The following PLXNA4 variants were observed in gnomAD, a reference collection of about 807,000 sequenced individuals.
PLXNA4 encodes the protein plexin A4, also known as plexin-A4.
In PLXNA4, 44 loss-of-function variants were observed where a neutral mutation model predicts 191.8. The ratio of observed to expected loss-of-function variants is 0.23; its 90% CI spans 0.18 to 0.29. PLXNA4 has a LOEUF of 0.29. PLXNA4 is among the 10% of genes least tolerant of loss of function. PLXNA4 has a pLI of 1.00. For synonymous variants in PLXNA4, 1,082 were observed against 1,009.5 expected (o/e 1.07, Z -1.36); for missense variants, 1,800 against 2,488.8 (o/e 0.72, Z 5.89).
Position 132,354,979 on chromosome 7 carries a change from C to T in PLXNA4, c.1372-56757G>A, listed in dbSNP as rs1264378880. Among the ~76,000 whole-genome samples the T allele has an allele frequency of 2.0e-5, 3 of 152,340 alleles. No homozygotes were observed. The East Asian group carries it at 5.8e-4, about 29-fold the overall frequency. On this transcript the variant is annotated intron_variant, in intron 3 of 31. Transcript: ENST00000321063. ...AGGGGTGTTCAGGATCCAAGTACTC[C>T]TTCCTTAGGTGAAACTCTCCACGAT...
intron 1 of PLXNA4, among the ~76,000 whole-genome samples, chr7:132,523,051 C>T (rs1376044579): frequency 2.0e-5 from 3 of 152,034 alleles, no homozygotes; most frequent in East Asian, 3.9e-4. Context: ...GAAGATGGCC[C>T]ATGTCTTCAT....
At chr7:132,148,411 C>T in intron 26 of PLXNA4, 132 bp downstream of exon 26, 1 of 1,339,032 alleles carries the variant, frequency 7.5e-7, no homozygotes, top group Non-Finnish European at 1.0e-6. Context: ...ACACCAATTT[C>T]CTCTGGATCA....
At chr7:132,263,500 AC>A (rs1562999237) in intron 4 of PLXNA4, among the ~76,000 whole-genome samples, 1 of 152,132 alleles carries the variant, frequency 6.6e-6, no homozygotes, top group Non-Finnish European at 1.5e-5. Flanking sequence ...GGGGTAAGAA[AC>A]CCTACCTGGG....
chr7:132,130,167 C>G lies in PLXNA4; in HGVS notation c.*312G>C. The stretch of plus-strand genomic sequence containing the variant: ...ATTTGCACCCTGCTGCTGACATGCA[C>G]AGGGTCAGGAGCACCTGGGAGACAG... On this transcript the variant is annotated 3_prime_UTR_variant, in exon 32 of 32. Transcript: ENST00000321063. 9.3e-6 allele frequency: 3 copies of G among 323,946 alleles called. No individual in the cohort carries two copies. The highest frequency in any genetic ancestry group is 8.7e-5 in the South Asian group (2 of 22,992). The allele number at this position is 323,946 out of a possible 1,614,324, so 20.1% of individuals were successfully genotyped here.
intron 1 of PLXNA4, among the ~76,000 whole-genome samples, chr7:132,561,576 T>TCCTCCTTCTCCTCCTCCTCCTTTCC (rs1563172817): frequency 5.1e-4 from 47 of 91,566 alleles, no homozygotes; most frequent in African/African-American, 1.9e-3. Flanking sequence ...TCCTTTCCCC[T>TCCTCCTTCTCCTCCTCCTCCTTTCC]CCTCCTCTTC....
chr7:132,561,739 C>CCTT (rs1801108363), intron 1 of PLXNA4, among the ~76,000 whole-genome samples: 1 of 140,124 alleles, frequency 7.1e-6, no homozygotes, highest in Non-Finnish European at 1.5e-5. Flanking sequence ...TCCTCCTCCT[C>CCTT]CTCCTTCTTC....
At chr7:132,226,354 TC>T in intron 7 of PLXNA4, 94 bp from the exon 8 acceptor site, 1 of 1,094,114 alleles carries the variant, frequency 9.1e-7, no homozygotes, top group Non-Finnish European at 1.3e-6. Flanking sequence ...GGGAGCCTGC[TC>T]CCCAGGCGGC....
intron 22 of PLXNA4, 47 bp from the exon 23 acceptor site, chr7:132,165,247 A>C (rs1230432913): frequency 6.3e-7 from 1 of 1,597,072 alleles, no homozygotes; most frequent in African/African-American, 1.3e-5. Context: ...CAAAGAAAGA[A>C]GCAGCTGGTC....
intron 4 of PLXNA4, among the ~76,000 whole-genome samples, chr7:132,257,810 G>A (rs10271349): frequency 0.73 from 111,230 of 152,178 alleles, 41,973 homozygotes; most frequent in African/African-American, 0.93. Context: ...TTTCCGAGGC[G>A]TCTTTCCAGC....
chr7:132,522,296 C>T (rs1359301835), intron 1 of PLXNA4, among the ~76,000 whole-genome samples: 1 of 152,210 alleles, frequency 6.6e-6, no homozygotes, highest in Non-Finnish European at 1.5e-5. Context: ...TCTCTAAGCT[C>T]CTTCATAGGC....
chr7:132,530,919 A>G (rs1435569545), intron 1 of PLXNA4, among the ~76,000 whole-genome samples: 2 of 152,262 alleles, frequency 1.3e-5, no homozygotes, highest in Admixed American at 6.5e-5. Flanking sequence ...TGAAGTTTTG[A>G]TATGTCTAAA....
chr7:132,423,819 T>C (rs577541319), intron 3 of PLXNA4, among the ~76,000 whole-genome samples: 2 of 152,120 alleles, frequency 1.3e-5, no homozygotes, highest in Non-Finnish European at 2.9e-5. Context: ...TTTTGTGTCT[T>C]CGTAATTGCG....
intron 3 of PLXNA4, among the ~76,000 whole-genome samples, chr7:132,343,491 C>T (rs1206985633): frequency 1.3e-5 from 2 of 152,192 alleles, no homozygotes; most frequent in Non-Finnish European, 2.9e-5. Flanking sequence ...ATCAGTGTTG[C>T]ACTGTTCTTT....
rs372665539 is a variant in PLXNA4 at position 132,147,985 on chromosome 7, G to A, written c.4779C>T (p.Ser1593=). The A allele has an allele frequency of 1.6e-4, 260 of 1,613,930 alleles. No homozygotes were observed. The highest frequency in any genetic ancestry group is 3.3e-4 in the Middle Eastern group (2 of 6,084). The change falls in exon 27 of 32, where the codon TCC becomes TCT. Residue 1593 remains serine, a synonymous_variant. Coordinates refer to ENST00000321063, the MANE Select transcript of PLXNA4 (RefSeq NM_020911.2). ...TLAHYQVPDG[S]VVALVSKQVT... The stretch of plus-strand genomic sequence containing the variant: ...CCTGCTTGGACACTAATGCCACCAC[G>A]GAACCATCTGGCACCTACAGGGAAA...
intron 22 of PLXNA4, among the ~76,000 whole-genome samples, chr7:132,166,835 A>T (rs1796137943): frequency 6.6e-6 from 1 of 152,136 alleles, no homozygotes; most frequent in Admixed American, 6.5e-5. Context: ...AAGTAAAACA[A>T]AAATCAAAAT....
intron 4 of PLXNA4, among the ~76,000 whole-genome samples, chr7:132,268,127 G>A (rs1209759415): frequency 6.6e-6 from 1 of 152,226 alleles, no homozygotes; most frequent in African/African-American, 2.4e-5. Flanking sequence ...AATCGACTGG[G>A]AGGGTTATTT....
At chr7:132,359,034 G>T (rs1261880142) in intron 3 of PLXNA4, among the ~76,000 whole-genome samples, 1 of 152,128 alleles carries the variant, frequency 6.6e-6, no homozygotes, top group African/African-American at 2.4e-5. Context: ...CAGACCAATG[G>T]CTTGACTAGT....
intron 3 of PLXNA4, among the ~76,000 whole-genome samples, chr7:132,379,875 A>G (rs1804816805): frequency 6.6e-6 from 1 of 152,226 alleles, no homozygotes; most frequent in African/African-American, 2.4e-5. Context: ...CCAGATTTCA[A>G]GGCTTTTGCA....
chr7:132,218,707 G>C (rs542742027), intron 9 of PLXNA4, among the ~76,000 whole-genome samples: 251 of 152,286 alleles, frequency 1.6e-3, no homozygotes, highest in African/African-American at 5.7e-3. Context: ...GTAGAGGGGT[G>C]GGCATGGCTT....
Sources: allele counts gnomAD v4.1 joint callset (sites outside exome capture counted in the v4.1 genomes callset), GRCh38; gene constraint gnomAD v4.1.1; transcripts MANE v1.5; gene names NCBI Gene and HGNC (gene_info 2026-07-23, HGNC 2026-07-21).